The following PCDHGB1 variants were observed in gnomAD, a reference collection of about 807,000 sequenced individuals.
PCDHGB1 encodes the protein protocadherin gamma-B1.
Under a neutral mutation model 56.6 loss-of-function variants are expected in PCDHGB1, and 34 were observed. The ratio of observed to expected loss-of-function variants is 0.60; its 90% CI spans 0.46 to 0.80. The LOEUF (loss-of-function observed/expected upper bound fraction) is 0.80, where lower values mean the gene tolerates loss of function less well. Ranked by LOEUF, PCDHGB1 falls within the 30% of genes least tolerant of loss-of-function variation. The pLI is 0.00. For missense variants in PCDHGB1, 1,278 were observed against 1,204.6 expected (o/e 1.06, Z -0.90); for synonymous variants, 561 against 505.9 (o/e 1.11, Z -1.46).
intron 1 of PCDHGB1, chr5:141,409,037 T>A: frequency 3.7e-6 from 6 of 1,613,992 alleles, no homozygotes; most frequent in Non-Finnish European, 5.1e-6. Context: ...TGAGATAAAC[T>A]ACTACTTCCG....
chr5:141,449,588 C>CAAA (rs768743917), intron 1 of PCDHGB1, among the ~76,000 whole-genome samples: 1 of 57,476 alleles, frequency 1.7e-5, no homozygotes, highest in East Asian at 5.2e-4. Context: ...GACTCTGTCT[C>CAAA]AAAAAAAAAA....
intron 1 of PCDHGB1, chr5:141,428,211 C>A: frequency 7.8e-7 from 1 of 1,284,316 alleles, no homozygotes; most frequent in Non-Finnish European, 1.1e-6. Context: ...CTACGCTTCA[C>A]CTAGTCTTCG....
Position 141,490,652 on chromosome 5 carries a change from C to T in PCDHGB1, c.2410-4155C>T, listed in dbSNP as rs1277273880. The T allele has an allele frequency of 1.2e-6, 2 of 1,614,208 alleles. No individual in the cohort carries two copies. The highest frequency in any genetic ancestry group is 1.7e-6 in the Non-Finnish European group (2 of 1,180,026). On this transcript the variant is annotated intron_variant, in intron 1 of 3. Coordinates refer to ENST00000523390, the MANE Select transcript of PCDHGB1 (RefSeq NM_018922.3). The surrounding 1 kb of genome is among the most constrained non-coding windows in gnomAD (Gnocchi z 5.4). ...ATCCTAGAAAACCGGCCTCCGGGCT[C>T]CCTTCTTTGCACTGTGGCTGCCTCA...
intron 1 of PCDHGB1, among the ~76,000 whole-genome samples, chr5:141,470,714 T>C (rs1416956410): frequency 1.3e-5 from 2 of 152,152 alleles, no homozygotes; most frequent in Non-Finnish European, 2.9e-5. Context: ...TTTTATTTTT[T>C]TGAGTCAGGG....
intron 1 of PCDHGB1, chr5:141,372,300 GAGGCCGCCCGCC>G (rs769286346): frequency 1.2e-6 from 2 of 1,613,366 alleles, no homozygotes; most frequent in Non-Finnish European, 1.7e-6. Flanking sequence ...GGGCGACAGG[GAGGCCGCCCGCC>G]AGCGCCTGCT....
At chr5:141,460,150 T>G (rs1169568683) in intron 1 of PCDHGB1, among the ~76,000 whole-genome samples, 1 of 152,106 alleles carries the variant, frequency 6.6e-6, no homozygotes, top group East Asian at 1.9e-4. Context: ...ATGTGAGCTC[T>G]TTGTCACATA....
intron 3 of PCDHGB1, among the ~76,000 whole-genome samples, chr5:141,508,752 C>G (rs2099871515): frequency 6.6e-6 from 1 of 152,028 alleles, no homozygotes. Flanking sequence ...CGCTCTTTCT[C>G]TGGCGCCTCT....
chr5:141,498,265 T>G (rs2099782779), intron 2 of PCDHGB1, among the ~76,000 whole-genome samples: 2 of 152,010 alleles, frequency 1.3e-5, no homozygotes, highest in Non-Finnish European at 2.9e-5. Context: ...TGTTGAGTTC[T>G]TCAGTAAACT....
rs1228676619 is a variant in PCDHGB1, at chr5:141,388,743, A to T, written c.2409+36074A>T. 3 of 1,614,034 alleles carry T rather than the reference A, an allele frequency of 1.9e-6. No homozygotes were observed. The Admixed American group carries it at 5.0e-5, about 27-fold the overall frequency. On this transcript the variant is annotated intron_variant, in intron 1 of 3. Coordinates refer to ENST00000523390, the MANE Select transcript of PCDHGB1 (RefSeq NM_018922.3). ...TTTCTCTTTCAGTGAAGCTAGCCAG[A>T]TCACCCAATTTGACCTGAACTCTAA...
At chr5:141,483,273 T>G (rs6860615) in intron 1 of PCDHGB1, among the ~76,000 whole-genome samples, 62,442 of 151,936 alleles carry the variant, frequency 0.41, 15,417 homozygotes, top group African/African-American at 0.7. Flanking sequence ...GTTTTAGAAA[T>G]ATTATTCTGT....
At position 141,487,943 on chromosome 5, in the gene PCDHGB1, A is replaced by C. The variant is rs2099669443; in HGVS notation, c.2410-6864A>C. ...TACAGTGCACAGGGTACAGTGCACCAGGCAGTCACTTGGACAAAGGTGGCT... is the reference window on the plus strand; with the variant it reads ...TACAGTGCACAGGGTACAGTGCACCCGGCAGTCACTTGGACAAAGGTGGCT... On this transcript the variant is annotated intron_variant, in intron 1 of 3. Coordinates refer to ENST00000523390, the MANE Select transcript of PCDHGB1 (RefSeq NM_018922.3). The surrounding 1 kb of genome is among the most constrained non-coding windows in gnomAD (Gnocchi z 5.0). Among the ~76,000 whole-genome samples, 1 of 152,220 alleles carries C rather than the reference A, an allele frequency of 6.6e-6. No homozygotes were observed.
chr5:141,393,851 A>T (rs758721118), intron 1 of PCDHGB1: 2 of 1,613,988 alleles, frequency 1.2e-6, no homozygotes, highest in Non-Finnish European at 1.7e-6. Context: ...ATAGACCAGA[A>T]GTGATCATTA....
intron 1 of PCDHGB1, chr5:141,413,769 G>T: frequency 6.2e-7 from 1 of 1,612,870 alleles, no homozygotes; most frequent in Non-Finnish European, 8.5e-7. Flanking sequence ...ACCCGGAGCT[G>T]GTACTGGAGC....
intron 2 of PCDHGB1, 91 bp from the exon 3 acceptor site, chr5:141,505,302 G>C: frequency 6.3e-7 from 1 of 1,592,714 alleles, no homozygotes. Context: ...TAGGGTTAGG[G>C]TACTAGGTTT....
chr5:141,430,245 G>C (rs1000418420), intron 1 of PCDHGB1, among the ~76,000 whole-genome samples: 1 of 104,402 alleles, frequency 9.6e-6, no homozygotes, highest in African/African-American at 6.4e-5. Flanking sequence ...GAAACTCCTA[G>C]GGAGACATCT....
intron 1 of PCDHGB1, chr5:141,421,587 G>A: frequency 1.2e-6 from 2 of 1,613,900 alleles, no homozygotes; most frequent in South Asian, 1.1e-5. Context: ...TTTACGGAGT[G>A]GAGGTGGAAA....
chr5:141,483,811 C>A (rs1252197546), intron 1 of PCDHGB1, among the ~76,000 whole-genome samples: 1 of 152,102 alleles, frequency 6.6e-6, no homozygotes, highest in Non-Finnish European at 1.5e-5. Flanking sequence ...CTTTTTTTGG[C>A]AGCCAGTGTA....
chr5:141,362,075 G>T (rs533999436), intron 1 of PCDHGB1: 1 of 1,612,962 alleles, frequency 6.2e-7, no homozygotes, highest in Non-Finnish European at 8.5e-7. Flanking sequence ...GTCGCTGTGC[G>T]TGATGGAGGA....
At chr5:141,457,736 T>G (rs1265562501) in intron 1 of PCDHGB1, among the ~76,000 whole-genome samples, 1 of 152,254 alleles carries the variant, frequency 6.6e-6, no homozygotes, top group African/African-American at 2.4e-5. Flanking sequence ...AGATTAGACT[T>G]TTAAAGCTGA....
Sources: gnomAD v4.1 joint callset for allele counts (sites outside exome capture counted in the v4.1 genomes callset) on GRCh38, gnomAD v4.1.1 for gene constraint, Gnocchi (gnomAD v3.1) non-coding constraint, MANE v1.5 for transcripts, NCBI Gene and HGNC (gene_info 2026-07-23, HGNC 2026-07-21) for gene names.